LRRC7: variants seen among roughly 807,000 people sequenced by gnomAD.
LRRC7 encodes the protein leucine-rich repeat-containing protein 7.
In LRRC7, 23 loss-of-function variants were observed where a neutral mutation model predicts 175.7. That is an observed-to-expected ratio of 0.13 (90% confidence interval 0.09 to 0.19). LRRC7 has a LOEUF of 0.19. Ranked by LOEUF, LRRC7 falls within the 10% of genes least tolerant of loss-of-function variation. The pLI, the probability that LRRC7 is intolerant of heterozygous loss-of-function variation, is 1.00. For missense variants in LRRC7, 1,354 were observed against 1,904.7 expected, an observed-to-expected ratio of 0.71 and a Z score of 5.38; for synonymous variants, 685 against 680.9, an observed-to-expected ratio of 1.01 and a Z score of -0.09.
intron 24 of LRRC7, among the ~76,000 whole-genome samples, chr1:70,080,767 A>G (rs1039848174): frequency 6.6e-6 from 1 of 152,230 alleles, no homozygotes; most frequent in Non-Finnish European, 1.5e-5. Flanking sequence ...ATTTTAGTGC[A>G]TAAACCGTTT....
chr1:69,691,803 AAAAAAAAAAAAAAAAAAAG>A (rs1661911272), intron 2 of LRRC7, among the ~76,000 whole-genome samples: 1 of 135,104 alleles, frequency 7.4e-6, no homozygotes, highest in Admixed American at 8.1e-5. Context: ...GTCTCAAAAA[AAAAAAAAAAAAAAAAAAAG>A]AAAAGAAAAG....
At chr1:69,698,383 A>G (rs1225284432) in intron 2 of LRRC7, among the ~76,000 whole-genome samples, 1 of 152,234 alleles carries the variant, frequency 6.6e-6, no homozygotes, top group Non-Finnish European at 1.5e-5. Context: ...CTGATATTTG[A>G]CAAAAATGAT....
intron 1 of LRRC7, among the ~76,000 whole-genome samples, chr1:69,664,791 A>G (rs367863733): frequency 1.3e-5 from 2 of 152,168 alleles, no homozygotes; most frequent in East Asian, 3.8e-4. Context: ...TTTGCTGTGC[A>G]GAAACTTTTT....
intron 2 of LRRC7, among the ~76,000 whole-genome samples, chr1:69,737,530 T>C (rs1668256048): frequency 6.6e-6 from 1 of 152,094 alleles, no homozygotes; most frequent in African/African-American, 2.4e-5. Flanking sequence ...ACCCTGTAAC[T>C]ATTTGATGCT....
In LRRC7 at chr1:69,668,127, T is replaced by G. The variant is rs563970214; in HGVS notation, c.3-10254T>G. ...CAGCACCTTAACTTTGCCTTCCCACTTTTTAACATTTTGTGTTTCTTTTCT... is the reference window on the plus strand; with the variant it reads ...CAGCACCTTAACTTTGCCTTCCCACGTTTTAACATTTTGTGTTTCTTTTCT... On this transcript the variant is annotated intron_variant, in intron 1 of 26. Coordinates refer to ENST00000651989, the MANE Select transcript of LRRC7 (RefSeq NM_001370785.2). Among the ~76,000 whole-genome samples, 17 of 152,220 alleles carry G rather than the reference T, an allele frequency of 1.1e-4. No individual in the cohort carries two copies. The South Asian group carries it at 3.3e-3, about 30-fold the overall frequency.
intron 8 of LRRC7, among the ~76,000 whole-genome samples, chr1:69,975,808 A>G (rs1652754981): frequency 6.6e-6 from 1 of 152,082 alleles, no homozygotes; most frequent in Non-Finnish European, 1.5e-5. Context: ...GTCTGAACAA[A>G]TGAGGTGCCT....
At chr1:69,637,912 T>G (rs1653646394) in intron 1 of LRRC7, among the ~76,000 whole-genome samples, 1 of 151,820 alleles carries the variant, frequency 6.6e-6, no homozygotes, top group Admixed American at 6.6e-5. Flanking sequence ...TAGTCCAGAA[T>G]AGAAAGGTGA....
At chr1:69,630,455 A>G (rs142006563) in intron 1 of LRRC7, among the ~76,000 whole-genome samples, 110 of 152,322 alleles carry the variant, frequency 7.2e-4, no homozygotes, top group African/African-American at 2.5e-3. Flanking sequence ...AATGATTGCC[A>G]GCCCATCTAC....
intron 8 of LRRC7, among the ~76,000 whole-genome samples, chr1:69,952,458 G>A (rs543153978): frequency 1.4e-4 from 21 of 151,958 alleles, no homozygotes; most frequent in South Asian, 1.2e-3. Context: ...AAGCCAGATC[G>A]TTAACTCTGA....
In LRRC7 at chr1:69,678,242, C is replaced by T. The variant is rs966431757; in HGVS notation, c.3-139C>T. On this transcript the variant is annotated intron_variant, in intron 1 of 26. Transcript: ENST00000651989. ...TTACTATGGTCCCCGATGCTCCCTG[C>T]CAGCTTGCTCCTTGCCGGATCATCT... The T allele has an allele frequency of 8.2e-6, 5 of 608,754 alleles. No homozygotes were observed. In the Admixed American group the frequency reaches 1.4e-4, roughly 17 times the overall value. 37.7% of individuals were successfully genotyped at this position (608,754 alleles called of 1,614,324 possible).
chr1:69,811,975 C>T (rs1677944183), intron 4 of LRRC7, among the ~76,000 whole-genome samples: 1 of 152,002 alleles, frequency 6.6e-6, no homozygotes, highest in Non-Finnish European at 1.5e-5. Context: ...CAGTGCTTCG[C>T]CTCAGTAAAT....
At chr1:69,982,509 C>A (rs1653536620) in intron 9 of LRRC7, among the ~76,000 whole-genome samples, 1 of 152,002 alleles carries the variant, frequency 6.6e-6, no homozygotes. Context: ...GAAGCACATT[C>A]ATTTTTTTCT....
intron 1 of LRRC7, among the ~76,000 whole-genome samples, chr1:69,659,003 C>G (rs1242264175): frequency 6.6e-6 from 1 of 151,972 alleles, no homozygotes; most frequent in Non-Finnish European, 1.5e-5. Context: ...TTGGAGGTAG[C>G]TGTAATTGGA....
intron 7 of LRRC7, among the ~76,000 whole-genome samples, chr1:69,858,957 C>T (rs982163176): frequency 2.0e-5 from 3 of 152,016 alleles, no homozygotes; most frequent in African/African-American, 4.8e-5. Context: ...CAAATATATA[C>T]GAACTCAACA....
chr1:69,928,450 T>C (rs1191984928), intron 7 of LRRC7, among the ~76,000 whole-genome samples: 1 of 152,240 alleles, frequency 6.6e-6, no homozygotes, highest in Non-Finnish European at 1.5e-5. Flanking sequence ...TGAGCTGTGG[T>C]GGGCTCCACT....
At chr1:70,103,748 C>T (rs1025811052) in intron 25 of LRRC7, among the ~76,000 whole-genome samples, 1 of 152,074 alleles carries the variant, frequency 6.6e-6, no homozygotes, top group Non-Finnish European at 1.5e-5. Context: ...GTTAATGATT[C>T]CCTTCCTATG....
At chr1:69,829,685 T>C (rs973759891) in intron 5 of LRRC7, among the ~76,000 whole-genome samples, 15 of 151,944 alleles carry the variant, frequency 9.9e-5, no homozygotes, top group South Asian at 4.1e-4. Flanking sequence ...TTTAAATAAA[T>C]CAATTACATG....
intron 1 of LRRC7, among the ~76,000 whole-genome samples, chr1:69,635,887 T>C (rs949561230): frequency 1.3e-5 from 2 of 151,946 alleles, no homozygotes; most frequent in Admixed American, 1.3e-4. Context: ...AATCATCTAA[T>C]AGCAGATATT....
chr1:69,579,355 A>G (rs965380588), intron 1 of LRRC7, among the ~76,000 whole-genome samples: 5 of 152,116 alleles, frequency 3.3e-5, no homozygotes, highest in Non-Finnish European at 7.4e-5. Context: ...TTCTCCACAT[A>G]TCTTTTTTTA....
Sources: allele counts gnomAD v4.1 joint callset (sites outside exome capture counted in the v4.1 genomes callset), GRCh38; gene constraint gnomAD v4.1.1; transcripts MANE v1.5; gene names NCBI Gene and HGNC (gene_info 2026-07-23, HGNC 2026-07-21).